Variants in PTPRG observed in about 807,000 individuals in gnomAD.
PTPRG encodes the protein receptor-type tyrosine-protein phosphatase gamma.
PTPRG carries 102 observed loss-of-function variants against 165.3 expected under a neutral mutation model. That is an observed-to-expected ratio of 0.62 (90% confidence interval 0.53 to 0.73). The LOEUF is 0.73. Ranked by LOEUF, PTPRG falls within the 30% of genes least tolerant of loss-of-function variation. PTPRG has a pLI of 0.00. For synonymous variants in PTPRG, 675 were observed against 669.5 expected (o/e 1.01, Z -0.13); for missense variants, 1,866 against 1,861.4 (o/e 1.00, Z -0.05).
intron 2 of PTPRG, among the ~76,000 whole-genome samples, chr3:61,785,740 A>G (rs970070757): frequency 6.6e-6 from 1 of 152,222 alleles, no homozygotes; most frequent in Admixed American, 6.5e-5. Flanking sequence ...ATCTTTATAT[A>G]CAGATACACA....
intron 1 of PTPRG, among the ~76,000 whole-genome samples, chr3:61,564,355 G>A (rs1056598821): frequency 1.3e-5 from 2 of 152,106 alleles, no homozygotes; most frequent in African/African-American, 4.8e-5. Context: ...TCCTTCTTGC[G>A]CTCGGGGATG....
At chr3:61,775,026 T>G (rs910799194) in intron 2 of PTPRG, among the ~76,000 whole-genome samples, 1 of 152,178 alleles carries the variant, frequency 6.6e-6, no homozygotes, top group African/African-American at 2.4e-5. Context: ...GTTAATTTTT[T>G]TGACTCGTAT....
intron 28 of PTPRG, among the ~76,000 whole-genome samples, chr3:62,286,228 C>A (rs1702654585): frequency 6.6e-6 from 1 of 152,142 alleles, no homozygotes; most frequent in Admixed American, 6.6e-5. Flanking sequence ...AAGACACCCA[C>A]AAATCATAAC....
intron 2 of PTPRG, among the ~76,000 whole-genome samples, chr3:61,818,829 AAATAGTGAAATAGTG>A (rs773729916): frequency 0.024 from 2,280 of 93,788 alleles, 26 homozygotes; most frequent in East Asian, 0.11. Flanking sequence ...CTTTAAAGTG[AAATAGTGAAATAGTG>A]AATAGTGAAA....
chr3:61,628,338 A>T (rs987467501), intron 1 of PTPRG, among the ~76,000 whole-genome samples: 2 of 151,078 alleles, frequency 1.3e-5, no homozygotes, highest in African/African-American at 4.9e-5. Context: ...TTTTTTTGAG[A>T]TGGAGTCTCA....
chr3:62,121,904 A>C (rs1467057061), intron 5 of PTPRG, among the ~76,000 whole-genome samples: 1 of 152,248 alleles, frequency 6.6e-6, no homozygotes, highest in Admixed American at 6.5e-5. Context: ...GGCACGTTCT[A>C]TCAATCAAGG....
chr3:61,935,768 G>T (rs1162005926), intron 2 of PTPRG, among the ~76,000 whole-genome samples: 4 of 148,946 alleles, frequency 2.7e-5, no homozygotes, highest in Non-Finnish European at 6.0e-5. Flanking sequence ...TATATATAAA[G>T]TATGTATATC....
At chr3:61,976,516 G>C (rs1423177791) in intron 2 of PTPRG, among the ~76,000 whole-genome samples, 1 of 152,060 alleles carries the variant, frequency 6.6e-6, no homozygotes, top group Non-Finnish European at 1.5e-5. Flanking sequence ...TGTACTAATG[G>C]GTATATTAGC....
rs1553702235 is a variant in PTPRG at position 61,995,745 on chromosome 3, T to TTCCCTCCC, written c.370+5944_370+5951dup. Reference sequence around the variant, plus strand: ...CTTCCTTCCTTCCTTCCTTCCTTCCTTCCCTCCCTCTCTCCCTCCCTCCTT... The same window carrying TTCCCTCCC: ...CTTCCTTCCTTCCTTCCTTCCTTCCTTCCCTCCCTCCCTCCCTCTCTCCCTCCCTCCTT... On this transcript the variant is annotated intron_variant, in intron 3 of 29. Transcript: ENST00000474889. 1.9e-3 allele frequency among the ~76,000 whole-genome samples: 213 copies of TTCCCTCCC among 109,720 alleles called. 2 individuals carry two copies. The highest frequency in any genetic ancestry group is 0.014 in the East Asian group (44 of 3,068). 72.0% of individuals were successfully genotyped at this position (109,720 alleles called of 152,430 possible).
intron 3 of PTPRG, among the ~76,000 whole-genome samples, chr3:61,996,719 T>C (rs1350818947): frequency 6.6e-6 from 1 of 152,218 alleles, no homozygotes; most frequent in East Asian, 1.9e-4. Flanking sequence ...TGCTCTACTT[T>C]ATACATTTTC....
chr3:61,575,974 G>C (rs1700166398), intron 1 of PTPRG, among the ~76,000 whole-genome samples: 1 of 152,176 alleles, frequency 6.6e-6, no homozygotes, highest in Non-Finnish European at 1.5e-5. Flanking sequence ...TAAGATTCAT[G>C]AAACAAAAGT....
At chr3:61,742,654 T>A (rs2033040435) in intron 1 of PTPRG, 1 of 1,605,186 alleles carries the variant, frequency 6.2e-7, no homozygotes, top group Non-Finnish European at 8.5e-7. Flanking sequence ...GATTGTGGAC[T>A]TCACCTCACC....
At chr3:61,917,571 G>A (rs2038971790) in intron 2 of PTPRG, among the ~76,000 whole-genome samples, 1 of 152,142 alleles carries the variant, frequency 6.6e-6, no homozygotes, top group Non-Finnish European at 1.5e-5. Context: ...AGACAAACAT[G>A]TCTTAAAATC....
chr3:62,065,931 GA>G (rs1214516710), intron 4 of PTPRG, among the ~76,000 whole-genome samples: 1 of 152,204 alleles, frequency 6.6e-6, no homozygotes, highest in African/African-American at 2.4e-5. Flanking sequence ...GAAGCGTTTG[GA>G]AGCCTTTAGT....
chr3:62,276,822 A>C, intron 24 of PTPRG, 150 bp from the exon 25 acceptor site: 1 of 625,740 alleles, frequency 1.6e-6, no homozygotes, highest in Non-Finnish European at 2.8e-6. Flanking sequence ...GCCTCAGCTG[A>C]TAACACTTTA....
intron 28 of PTPRG, among the ~76,000 whole-genome samples, chr3:62,292,032 T>A (rs1702916156): frequency 6.6e-6 from 1 of 152,142 alleles, no homozygotes; most frequent in Non-Finnish European, 1.5e-5. Flanking sequence ...TAAAAAAAAA[T>A]TCAGAGCCCT....
At chr3:62,163,880 G>A (rs1020756498) in intron 7 of PTPRG, among the ~76,000 whole-genome samples, 1 of 152,212 alleles carries the variant, frequency 6.6e-6, no homozygotes, top group African/African-American at 2.4e-5. Flanking sequence ...TTAGCAAGTA[G>A]GGTTTAAAAA....
At chr3:61,706,376 AT>A (rs61392463) in intron 1 of PTPRG, among the ~76,000 whole-genome samples, 1,710 of 147,154 alleles carry the variant, frequency 0.012, 31 homozygotes, top group African/African-American at 0.038. Flanking sequence ...AGGAAGCTGT[AT>A]TTTTTTTTTT....
At chr3:61,591,977 A>AT (rs1344585519) in intron 1 of PTPRG, among the ~76,000 whole-genome samples, 1,923 of 145,454 alleles carry the variant, frequency 0.013, 32 homozygotes, top group African/African-American at 0.037. Context: ...TGGAGTGCTA[A>AT]TTTTTTTTTT....
Sources: allele counts gnomAD v4.1 joint callset (sites outside exome capture counted in the v4.1 genomes callset), GRCh38; gene constraint gnomAD v4.1.1; transcripts MANE v1.5; gene names NCBI Gene and HGNC (gene_info 2026-07-23, HGNC 2026-07-21).